Variants in OTULIN observed in about 807,000 individuals in gnomAD.
OTULIN encodes the protein OTU deubiquitinase with linear linkage specificity.
Under a neutral mutation model 39.6 loss-of-function variants are expected in OTULIN, and 15 were observed. The observed-to-expected ratio is 0.38, with a 90% confidence interval of 0.25 to 0.58. The LOEUF (loss-of-function observed/expected upper bound fraction) is 0.58. Ranked by LOEUF, OTULIN falls within the 20% of genes least tolerant of loss-of-function variation. OTULIN has a pLI of 0.66. For missense variants in OTULIN, 319 were observed against 445.9 expected (o/e 0.72, Z 2.56); for synonymous variants, 156 against 170.3 (o/e 0.92, Z 0.65).
chr5:14,684,924 C>A (rs570003077), intron 4 of OTULIN, among the ~76,000 whole-genome samples: 1 of 152,188 alleles, frequency 6.6e-6, no homozygotes, highest in South Asian at 2.1e-4. Flanking sequence ...GTTCGGCTGT[C>A]CCTCACCTCC....
At chr5:14,715,371 T>C in the OTULIN span, among the ~76,000 whole-genome samples, 2 of 152,210 alleles carry the variant, frequency 1.3e-5, no homozygotes, top group East Asian at 1.9e-4. Context: ...CCTCAGATGA[T>C]CCACCTGCCT....
chr5:14,675,591 C>T (rs1438035496), intron 2 of OTULIN, among the ~76,000 whole-genome samples: 3 of 152,080 alleles, frequency 2.0e-5, no homozygotes, highest in Non-Finnish European at 4.4e-5. Context: ...TGTTTGTTAC[C>T]GCTGACAGTA....
intron 3 of OTULIN, 123 bp from the exon 4 acceptor site, chr5:14,681,341 A>G: frequency 3.5e-6 from 4 of 1,139,726 alleles, no homozygotes; most frequent in Non-Finnish European, 5.0e-6. Flanking sequence ...AAAGGGACAT[A>G]AAACTCCAAC....
intron 4 of OTULIN, among the ~76,000 whole-genome samples, chr5:14,685,338 A>G (rs1403455169): frequency 6.6e-6 from 1 of 152,194 alleles, no homozygotes; most frequent in Non-Finnish European, 1.5e-5. Context: ...CTAATTACCT[A>G]CTTTATTCTT....
chr5:14,692,731 A>T, intron 6 of OTULIN, 123 bp from the exon 7 acceptor site: 1 of 702,614 alleles, frequency 1.4e-6, no homozygotes, highest in Non-Finnish European at 2.3e-6. Context: ...GGCCCAAAGC[A>T]GGAGGAAAAA....
chr5:14,699,455 C>G lies in OTULIN; in HGVS notation c.*6407C>G, dbSNP rs1305468716. ...GGTCATGTGCAGCAGAAAGACCTCCCCACTGTGAACAACAAACCACTTTCC... is the reference window on the plus strand; with the variant it reads ...GGTCATGTGCAGCAGAAAGACCTCCGCACTGTGAACAACAAACCACTTTCC... On this transcript the variant is annotated 3_prime_UTR_variant, in exon 7 of 7. Transcript: ENST00000284274. 6.6e-6 allele frequency: 1 copy of G among 152,202 alleles called. No homozygotes were observed. Among genetic ancestry groups the G allele is most frequent in the Admixed American group, 6.5e-5 (1 of 15,276 alleles). 9.4% of individuals were successfully genotyped at this position (152,202 alleles called of 1,614,324 possible).
chr5:14,679,248 T>A (rs1313691957), intron 3 of OTULIN, among the ~76,000 whole-genome samples: 1 of 152,096 alleles, frequency 6.6e-6, no homozygotes, highest in South Asian at 2.1e-4. Context: ...TTCAAGATAG[T>A]CTCCAAGGCT....
chr5:14,664,819 C>A lies in OTULIN; in HGVS notation c.-7C>A, dbSNP rs550978022. 2.5e-6 allele frequency: 3 copies of A among 1,216,122 alleles called. No homozygotes were observed. In the East Asian group the frequency reaches 1.0e-4, roughly 41 times the overall value. The allele number at this position is 1,216,122 out of a possible 1,614,324, so 75.3% of individuals were successfully genotyped here. On this transcript the variant is annotated 5_prime_UTR_variant, in exon 1 of 7. Transcript: ENST00000284274. ...CCGGCTGAACCCCTTCGGCCGCGAG[C>A]GACCGCATGAGTCGGGGGACTATGC...
intron 1 of OTULIN, among the ~76,000 whole-genome samples, chr5:14,673,053 C>T (rs142940052): frequency 3.8e-4 from 58 of 152,092 alleles, no homozygotes; most frequent in Middle Eastern, 3.4e-3. Context: ...TCGGTAGTAG[C>T]GGACAGTGGG....
intron 6 of OTULIN, among the ~76,000 whole-genome samples, chr5:14,691,255 T>C (rs1736518825): frequency 6.6e-6 from 1 of 152,246 alleles, no homozygotes; most frequent in African/African-American, 2.4e-5. Flanking sequence ...TTGACTCTTG[T>C]GCCTGCTTTT....
chr5:14,664,750 C>G lies in OTULIN; in HGVS notation c.-76C>G, dbSNP rs529481495. 3.2e-5 allele frequency: 35 copies of G among 1,089,810 alleles called. No individual in the cohort carries two copies. In the African/African-American group the frequency reaches 5.5e-4, roughly 17 times the overall value. The allele number at this position is 1,089,810 out of a possible 1,614,324, so 67.5% of individuals were successfully genotyped here. A position where few individuals can be genotyped will look rare whatever the true frequency, so the allele number is the denominator to read the frequency against. On this transcript the variant is annotated 5_prime_UTR_variant, in exon 1 of 7. Coordinates refer to ENST00000284274, the MANE Select transcript of OTULIN (RefSeq NM_138348.6). ...GCCCCGGCGGCTGAGAGGCTGCGGCCACTGCCTGGCACCCCGACGGGAGGG... is the reference window on the plus strand; with the variant it reads ...GCCCCGGCGGCTGAGAGGCTGCGGCGACTGCCTGGCACCCCGACGGGAGGG...
chr5:14,703,827 G>A (rs891740183), downstream of OTULIN, among the ~76,000 whole-genome samples: 2 of 152,198 alleles, frequency 1.3e-5, no homozygotes, highest in African/African-American at 4.8e-5. Flanking sequence ...GAGGTAGTAA[G>A]AGAGAAGCAC....
chr5:14,679,302 C>T (rs1271215374), intron 3 of OTULIN, among the ~76,000 whole-genome samples: 1 of 152,176 alleles, frequency 6.6e-6, no homozygotes, highest in African/African-American at 2.4e-5. Flanking sequence ...CCTGCTGTGA[C>T]TGTTTGGTCC....
chr5:14,670,437 T>G (rs1735951086), intron 1 of OTULIN, among the ~76,000 whole-genome samples: 1 of 152,180 alleles, frequency 6.6e-6, no homozygotes, highest in Non-Finnish European at 1.5e-5. Flanking sequence ...TAAAATAAAA[T>G]TATTATTTTT....
At chr5:14,668,980 T>C (rs908828623) in intron 1 of OTULIN, among the ~76,000 whole-genome samples, 1 of 152,372 alleles carries the variant, frequency 6.6e-6, no homozygotes, top group South Asian at 2.1e-4. Context: ...GTACCAGTTA[T>C]AATTTAGTAT....
chr5:14,683,733 A>G lies in OTULIN; in HGVS notation c.468+2126A>G, dbSNP rs16903640. 2.9e-3 allele frequency among the ~76,000 whole-genome samples: 435 copies of G among 152,324 alleles called. 4 individuals are homozygous for G. Among genetic ancestry groups the G allele is most frequent in the African/African-American group, 9.8e-3 (406 of 41,580 alleles). ...TTTTCCTTTTGAGGCTTTACCTTTA[A>G]GGAGCTATTTGGATTTATGGACTTA... is the stretch of plus-strand genomic sequence containing the variant. On this transcript the variant is annotated intron_variant, in intron 4 of 6. Transcript: ENST00000284274.
At chr5:14,707,764 T>C in the OTULIN span, 2 of 152,204 alleles carry the variant, frequency 1.3e-5, no homozygotes, top group African/African-American at 4.8e-5. Flanking sequence ...CCTAAGCCAA[T>C]ATTAAATGTT....
At chr5:14,675,406 TGTGGTAGCCACAGGA>T (rs2126818486) in intron 2 of OTULIN, among the ~76,000 whole-genome samples, 1 of 152,370 alleles carries the variant, frequency 6.6e-6, no homozygotes, top group Non-Finnish European at 1.5e-5. Context: ...AACTCTTCAC[TGTGGTAGCCACAGGA>T]GATATTCTTT....
At chr5:14,713,564 G>A in the OTULIN span, 14 of 1,614,198 alleles carry the variant, frequency 8.7e-6, no homozygotes, top group African/African-American at 1.3e-5. This position sits in a 1 kb window ranked among gnomAD's most constrained non-coding sequence, Gnocchi z 4.4. Flanking sequence ...GTAGGACCAC[G>A]AGGCTGGCGA....
Sources: gnomAD v4.1 joint callset for allele counts (sites outside exome capture counted in the v4.1 genomes callset) on GRCh38, gnomAD v4.1.1 for gene constraint, Gnocchi (gnomAD v3.1) non-coding constraint, MANE v1.5 for transcripts, NCBI Gene and HGNC (gene_info 2026-07-23, HGNC 2026-07-21) for gene names.